The following AK5 variants were observed in gnomAD, a reference collection of about 807,000 sequenced individuals.
AK5 encodes adenylate kinase 5.
A neutral mutation model predicts 69.5 loss-of-function variants in AK5; 27 were observed. That is an observed-to-expected ratio of 0.39 (90% CI 0.29 to 0.54). The LOEUF is 0.54. Ranked by LOEUF, AK5 falls within the 20% of genes least tolerant of loss-of-function variation. AK5 has a pLI of 0.71. For synonymous variants in AK5, 260 were observed against 244.4 expected (o/e 1.06, Z -0.60); for missense variants, 531 against 700.4 (o/e 0.76, Z 2.73).
chr1:77,478,862 A>G (rs1655096034), intron 8 of AK5, among the ~76,000 whole-genome samples: 1 of 152,176 alleles, frequency 6.6e-6, no homozygotes, highest in African/African-American at 2.4e-5. Context: ...AGGAAAGCAC[A>G]TATATACCCC....
chr1:77,517,569 T>G (rs1010367820), intron 10 of AK5, among the ~76,000 whole-genome samples: 3 of 152,202 alleles, frequency 2.0e-5, no homozygotes, highest in Non-Finnish European at 4.4e-5. Flanking sequence ...CTAAAATGTT[T>G]AGAATAATGG....
intron 10 of AK5, among the ~76,000 whole-genome samples, chr1:77,514,764 A>G (rs1657544752): frequency 6.6e-6 from 1 of 152,260 alleles, no homozygotes; most frequent in African/African-American, 2.4e-5. Flanking sequence ...ATAACATTTT[A>G]GAGGAACAAA....
intron 10 of AK5, among the ~76,000 whole-genome samples, chr1:77,497,240 G>C (rs1656389707): frequency 6.6e-6 from 1 of 152,166 alleles, no homozygotes. Flanking sequence ...CTTCACTCCT[G>C]AAGTCCCCGA....
chr1:77,531,908 G>A (rs1210330458), intron 12 of AK5, among the ~76,000 whole-genome samples: 1 of 151,922 alleles, frequency 6.6e-6, no homozygotes, highest in East Asian at 2.0e-4. Flanking sequence ...CCTGCCCCGC[G>A]GGGAGGCAGC....
At chr1:77,454,492 T>C (rs1427733073) in intron 8 of AK5, among the ~76,000 whole-genome samples, 2 of 152,222 alleles carry the variant, frequency 1.3e-5, no homozygotes, top group Non-Finnish European at 2.9e-5. Context: ...ATTATTTGTA[T>C]TTTCATCTGC....
intron 10 of AK5, among the ~76,000 whole-genome samples, chr1:77,510,203 G>A (rs1398406183): frequency 6.6e-6 from 1 of 152,184 alleles, no homozygotes; most frequent in Non-Finnish European, 1.5e-5. Context: ...CAGGTTCTGT[G>A]GGGATGCCAG....
intron 6 of AK5, among the ~76,000 whole-genome samples, chr1:77,409,641 A>G (rs1312726331): frequency 6.6e-6 from 1 of 151,942 alleles, no homozygotes; most frequent in Non-Finnish European, 1.5e-5. Context: ...TGGATAGTAG[A>G]CCTTTGTCAG....
intron 13 of AK5, chr1:77,540,736 G>A (rs1159679032): frequency 6.6e-6 from 1 of 152,090 alleles, no homozygotes; most frequent in Non-Finnish European, 1.5e-5. Flanking sequence ...TCCTAAAGTG[G>A]ATAGAACACG....
intron 12 of AK5, among the ~76,000 whole-genome samples, chr1:77,534,507 G>C (rs140142264): frequency 1.3e-5 from 2 of 152,350 alleles, no homozygotes; most frequent in African/African-American, 4.8e-5. Flanking sequence ...TCGTTAGTGA[G>C]TGTCTGCTGT....
chr1:77,477,170 G>C (rs1044810199), intron 8 of AK5, among the ~76,000 whole-genome samples: 1 of 152,030 alleles, frequency 6.6e-6, no homozygotes, highest in African/African-American at 2.4e-5. Flanking sequence ...TGGGACCACA[G>C]GTGCACACCA....
intron 6 of AK5, among the ~76,000 whole-genome samples, chr1:77,358,018 T>TGTGTGTGTGTGTGTGTGTGTGTGAGA (rs762714026): frequency 1.6e-4 from 20 of 128,178 alleles, no homozygotes; most frequent in Non-Finnish European, 2.6e-4. Flanking sequence ...TGTGTGTGTG[T>TGTGTGTGTGTGTGTGTGTGTGTGAGA]GAGAGAGAGA....
intron 8 of AK5, among the ~76,000 whole-genome samples, chr1:77,435,388 G>A (rs1032413191): frequency 6.6e-6 from 1 of 152,092 alleles, no homozygotes; most frequent in East Asian, 1.9e-4. Context: ...GGTGGCTCAC[G>A]CCTGTAATCC....
chr1:77,489,449 A>G (rs562385387), intron 10 of AK5, among the ~76,000 whole-genome samples: 1 of 152,330 alleles, frequency 6.6e-6, no homozygotes, highest in South Asian at 2.1e-4. Flanking sequence ...TTAGTTCTAA[A>G]TATGTCCTTG....
intron 6 of AK5, among the ~76,000 whole-genome samples, chr1:77,361,864 G>A (rs1316282252): frequency 1.3e-5 from 2 of 152,044 alleles, no homozygotes; most frequent in Non-Finnish European, 2.9e-5. Context: ...ACCTCCTACC[G>A]GGTTCCTCCC....
intron 1 of AK5, 56 bp downstream of exon 1, chr1:77,282,429 T>A: frequency 6.6e-7 from 1 of 1,519,622 alleles, no homozygotes; most frequent in Non-Finnish European, 8.8e-7. Flanking sequence ...TCTCAGGGGT[T>A]CGGGTTGAGG....
chr1:77,491,642 C>G (rs973737185), intron 10 of AK5, among the ~76,000 whole-genome samples: 28 of 152,294 alleles, frequency 1.8e-4, no homozygotes, highest in African/African-American at 6.7e-4. Context: ...TGCTGCTTAA[C>G]ATGAGCACTT....
intron 13 of AK5, 103 bp from the exon 14 acceptor site, chr1:77,558,499 A>C: frequency 1.4e-6 from 1 of 723,588 alleles, no homozygotes; most frequent in South Asian, 1.9e-5. Flanking sequence ...TGTGTTTTAA[A>C]ATTTTGCAGA....
chr1:77,417,407 C>G (rs1261207358), intron 7 of AK5, among the ~76,000 whole-genome samples: 1 of 152,142 alleles, frequency 6.6e-6, no homozygotes, highest in Non-Finnish European at 1.5e-5. Flanking sequence ...CTCTTGTTGA[C>G]AAATTATTCT....
chr1:77,419,051 C>A (rs1452524558), intron 8 of AK5, among the ~76,000 whole-genome samples: 6 of 149,416 alleles, frequency 4.0e-5, no homozygotes, highest in African/African-American at 2.5e-5. Context: ...ATATCACAGA[C>A]AAAAAAAAAA....
Sources: gnomAD v4.1 joint callset for allele counts (sites outside exome capture counted in the v4.1 genomes callset) on GRCh38, gnomAD v4.1.1 for gene constraint, MANE v1.5 for transcripts, NCBI Gene and HGNC (gene_info 2026-07-23, HGNC 2026-07-21) for gene names.